The following CAMK4 variants were observed in gnomAD, a reference collection of about 807,000 sequenced individuals.
CAMK4 encodes calcium/calmodulin dependent protein kinase IV.
CAMK4 carries 22 observed loss-of-function variants against 44.9 expected under a neutral mutation model. That is an observed-to-expected ratio of 0.49 (90% CI 0.35 to 0.70). CAMK4 has a LOEUF of 0.70. Among genes scored for constraint, CAMK4 ranks in the 30% least tolerant of loss-of-function variants. The pLI is 0.01. For missense variants in CAMK4, 498 were observed against 586.8 expected, an observed-to-expected ratio of 0.85 and a Z score of 1.56; for synonymous variants, 218 against 215.4, an observed-to-expected ratio of 1.01 and a Z score of -0.11.
intron 4 of CAMK4, among the ~76,000 whole-genome samples, chr5:111,380,409 A>G (rs1751370093): frequency 6.6e-6 from 1 of 151,844 alleles, no homozygotes; most frequent in African/African-American, 2.4e-5. Context: ...TACATAGGTA[A>G]ATGTGTGTCA....
intron 2 of CAMK4, among the ~76,000 whole-genome samples, chr5:111,347,001 C>T (rs964976608): frequency 1.3e-5 from 2 of 151,960 alleles, no homozygotes; most frequent in African/African-American, 4.8e-5. Flanking sequence ...TTCAGGAAAG[C>T]AGAAGTAACA....
At chr5:111,363,141 T>G (rs75579664) in intron 2 of CAMK4, among the ~76,000 whole-genome samples, 1 of 152,074 alleles carries the variant, frequency 6.6e-6, no homozygotes, top group East Asian at 1.9e-4. Context: ...TAACTTCACC[T>G]GTGCATTAAT....
intron 1 of CAMK4, among the ~76,000 whole-genome samples, chr5:111,236,146 C>A (rs1033565070): frequency 6.6e-6 from 1 of 152,202 alleles, no homozygotes; most frequent in Non-Finnish European, 1.5e-5. Context: ...GAGCTCCATA[C>A]CCAGCACATA....
intron 8 of CAMK4, among the ~76,000 whole-genome samples, chr5:111,474,415 A>C (rs576183469): frequency 6.6e-6 from 1 of 152,164 alleles, no homozygotes; most frequent in Non-Finnish European, 1.5e-5. Flanking sequence ...GTGTCCTCAC[A>C]TGATGGGGAG....
At chr5:111,323,847 A>G (rs1449108486) in intron 1 of CAMK4, among the ~76,000 whole-genome samples, 1 of 152,088 alleles carries the variant, frequency 6.6e-6, no homozygotes, top group Non-Finnish European at 1.5e-5. Context: ...GAATGTAGGT[A>G]ATATGAGAGA....
intron 1 of CAMK4, among the ~76,000 whole-genome samples, chr5:111,279,731 T>C (rs1750926935): frequency 6.6e-6 from 1 of 152,220 alleles, no homozygotes; most frequent in Non-Finnish European, 1.5e-5. Context: ...TGTATGTGTG[T>C]ATGTGCCTGC....
chr5:111,281,908 A>G (rs1438165487), intron 1 of CAMK4, among the ~76,000 whole-genome samples: 3 of 151,822 alleles, frequency 2.0e-5, no homozygotes, highest in Non-Finnish European at 4.4e-5. Context: ...AATACAAAAA[A>G]TTAGCCGGGC....
chr5:111,241,477 A>C (rs1748989503), intron 1 of CAMK4, among the ~76,000 whole-genome samples: 1 of 152,106 alleles, frequency 6.6e-6, no homozygotes, highest in Non-Finnish European at 1.5e-5. Context: ...ATCTCTATGG[A>C]TGTCAACCTC....
At chr5:111,432,434 A>G (rs1376277703) in intron 5 of CAMK4, among the ~76,000 whole-genome samples, 1 of 151,928 alleles carries the variant, frequency 6.6e-6, no homozygotes, top group Non-Finnish European at 1.5e-5. Flanking sequence ...AATAAGGCCT[A>G]CTATTTGATA....
chr5:111,263,231 T>C (rs925194775), intron 1 of CAMK4, among the ~76,000 whole-genome samples: 5 of 152,368 alleles, frequency 3.3e-5, no homozygotes, highest in Middle Eastern at 3.4e-3. Context: ...ATGTGAAATA[T>C]ATTTCATAAA....
chr5:111,382,275 G>A (rs940323799), intron 4 of CAMK4, among the ~76,000 whole-genome samples: 2 of 151,942 alleles, frequency 1.3e-5, no homozygotes, highest in South Asian at 4.2e-4. Flanking sequence ...CTGTACTTCA[G>A]CATTTCTAGA....
intron 1 of CAMK4, among the ~76,000 whole-genome samples, chr5:111,338,010 T>C (rs1235795034): frequency 4.6e-5 from 7 of 151,224 alleles, no homozygotes; most frequent in Admixed American, 2.0e-4. Context: ...GTGATTTTAG[T>C]TTCCATTTCC....
At chr5:111,427,474 T>A (rs1005617102) in intron 5 of CAMK4, among the ~76,000 whole-genome samples, 2 of 152,132 alleles carry the variant, frequency 1.3e-5, no homozygotes, top group East Asian at 3.9e-4. Context: ...AGAACTTGAA[T>A]CTTGGGTGGC....
chr5:111,273,101 T>G (rs1461778329), intron 1 of CAMK4, among the ~76,000 whole-genome samples: 1 of 152,152 alleles, frequency 6.6e-6, no homozygotes, highest in African/African-American at 2.4e-5. Flanking sequence ...TTGGACACAT[T>G]ATTGTGTCAA....
At chr5:111,436,793 A>G (rs1291219986) in intron 5 of CAMK4, among the ~76,000 whole-genome samples, 1 of 152,198 alleles carries the variant, frequency 6.6e-6, no homozygotes, top group African/African-American at 2.4e-5. Flanking sequence ...CAATTTATGA[A>G]AAGTTTCAGA....
intron 1 of CAMK4, among the ~76,000 whole-genome samples, chr5:111,272,147 A>C (rs1453112955): frequency 6.6e-6 from 1 of 151,882 alleles, no homozygotes; most frequent in African/African-American, 2.4e-5. Flanking sequence ...TTATTGAATA[A>C]AATTAAAAGA....
chr5:111,245,298 G>A (rs954320148), intron 1 of CAMK4, among the ~76,000 whole-genome samples: 8 of 152,072 alleles, frequency 5.3e-5, no homozygotes, highest in African/African-American at 1.9e-4. Flanking sequence ...CACTGACTAT[G>A]GTGATAGGCT....
At chr5:111,445,344 T>C (rs1753987778) in intron 5 of CAMK4, among the ~76,000 whole-genome samples, 1 of 152,142 alleles carries the variant, frequency 6.6e-6, no homozygotes, top group Non-Finnish European at 1.5e-5. Flanking sequence ...TAATGATATA[T>C]ATAAGTAGGA....
At chr5:111,336,929 A>ATAGT (rs986503354) in intron 1 of CAMK4, among the ~76,000 whole-genome samples, 2 of 151,198 alleles carry the variant, frequency 1.3e-5, no homozygotes, top group African/African-American at 4.8e-5. Flanking sequence ...TTTAAACAAT[A>ATAGT]TAGTTCTTTT....
Sources: allele counts gnomAD v4.1 joint callset (sites outside exome capture counted in the v4.1 genomes callset), GRCh38; gene constraint gnomAD v4.1.1; transcripts MANE v1.5; gene names NCBI Gene and HGNC (gene_info 2026-07-23, HGNC 2026-07-21).